HROB: variants seen among roughly 807,000 people sequenced by gnomAD.
The protein encoded by HROB is homologous recombination OB-fold protein.
Under a neutral mutation model 61.0 loss-of-function variants are expected in HROB, and 44 were observed. The observed-to-expected ratio is 0.72, with a 90% confidence interval of 0.57 to 0.93. HROB has a LOEUF of 0.93. Ranked by LOEUF, HROB falls within the 40% of genes least tolerant of loss-of-function variation. The pLI, the probability that HROB is intolerant of heterozygous loss-of-function variation, is 0.00. For synonymous variants in HROB, 301 were observed against 310.4 expected (o/e 0.97, Z 0.32); for missense variants, 716 against 796.2 (o/e 0.90, Z 1.21).
intron 4 of HROB, 36 bp from the exon 5 acceptor site, chr17:44,152,601 A>G (rs777865277): frequency 3.2e-5 from 52 of 1,608,184 alleles, no homozygotes; most frequent in Non-Finnish European, 4.1e-5. Context: ...AGGTAGACCT[A>G]TTCATACAGG....
At chr17:44,154,384 G>A (rs1400936979) in intron 5 of HROB, 172 bp from the exon 6 acceptor site, 6 of 608,132 alleles carry the variant, frequency 9.9e-6, no homozygotes, top group Non-Finnish European at 1.8e-5. Context: ...GGACCTCCCA[G>A]CTCTAGGTCT....
intron 3 of HROB, among the ~76,000 whole-genome samples, chr17:44,149,968 G>A (rs1216854574): frequency 3.3e-5 from 5 of 152,330 alleles, no homozygotes; most frequent in African/African-American, 9.6e-5. Flanking sequence ...CGGAGCGGGC[G>A]CTGTGCTCTG....
chr17:44,161,844 G>A lies in HROB; in HGVS notation c.1880-27G>A, dbSNP rs1298455974. 1.9e-6 allele frequency: 3 copies of A among 1,609,578 alleles called. No individual in the cohort carries two copies. In the East Asian group the frequency reaches 6.7e-5, roughly 36 times the overall value. ...CATGGAATGCTGATGTTGTCACTAA[G>A]GCTACCCATCATTCCCCTCTCTGTA... On this transcript the variant is annotated intron_variant, in intron 9 of 9. Coordinates refer to ENST00000585683, the MANE Select transcript of HROB (RefSeq NM_001171251.3).
intron 2 of HROB, among the ~76,000 whole-genome samples, chr17:44,146,901 A>G (rs1208270821): frequency 2.0e-5 from 3 of 152,098 alleles, no homozygotes; most frequent in Non-Finnish European, 4.4e-5. Flanking sequence ...GAAGGTGTCA[A>G]TCTCACCTTG....
chr17:44,153,775 C>T (rs1028920607), intron 5 of HROB, among the ~76,000 whole-genome samples: 2 of 151,772 alleles, frequency 1.3e-5, no homozygotes, highest in Non-Finnish European at 2.9e-5. Context: ...ACAGGTCAGG[C>T]GGGGTGGGTC....
At chr17:44,151,800 G>T (rs1325047046) in intron 4 of HROB, among the ~76,000 whole-genome samples, 4 of 151,862 alleles carry the variant, frequency 2.6e-5, no homozygotes, top group African/African-American at 7.3e-5. Context: ...GTCAGGAGCT[G>T]ATTTTATTTT....
In HROB at chr17:44,149,397, C is replaced by T. The variant is rs1034610054; in HGVS notation, c.1224+370C>T. Among the ~76,000 whole-genome samples the T allele has an allele frequency of 6.6e-5, 10 of 152,154 alleles. No homozygotes were observed. In the East Asian group the frequency reaches 1.7e-3, roughly 26 times the overall value. Reference sequence around the variant, plus strand: ...TTGAGTAGCTGGGACTACAGGCCCCCGCCACCATGCCTGGCTAATTTTTGT... The same window carrying T: ...TTGAGTAGCTGGGACTACAGGCCCCTGCCACCATGCCTGGCTAATTTTTGT... On this transcript the variant is annotated intron_variant, in intron 3 of 9. Coordinates refer to ENST00000585683, the MANE Select transcript of HROB (RefSeq NM_001171251.3).
intron 3 of HROB, among the ~76,000 whole-genome samples, 195 bp from the exon 4 acceptor site, chr17:44,150,766 C>G (rs1433403442): frequency 1.3e-5 from 2 of 152,186 alleles, no homozygotes; most frequent in Non-Finnish European, 2.9e-5. Flanking sequence ...GGCTTCCTCA[C>G]GTTTTCAAAC....
intron 5 of HROB, among the ~76,000 whole-genome samples, chr17:44,153,045 C>T (rs1260275902): frequency 6.6e-6 from 1 of 152,156 alleles, no homozygotes; most frequent in East Asian, 1.9e-4. Context: ...CACTGCCACC[C>T]TCAAATCTCC....
Position 44,147,537 on chromosome 17 carries a change from A to C in HROB, c.55-321A>C, listed in dbSNP as rs72628313. 6.0e-3 allele frequency among the ~76,000 whole-genome samples: 891 copies of C among 149,716 alleles called. 54 individuals are homozygous for C. In the East Asian group the frequency reaches 0.15, roughly 24 times the overall value. On this transcript the variant is annotated intron_variant, in intron 2 of 9. Coordinates refer to ENST00000585683, the MANE Select transcript of HROB (RefSeq NM_001171251.3). ...CTGCCAACCTCTGCCTCTCAGGTTG[A>C]AGTGATTCTCCTGCCTCAGCCTCCC...
intron 2 of HROB, among the ~76,000 whole-genome samples, chr17:44,147,519 C>CCT (rs2053647625): frequency 6.6e-6 from 1 of 150,550 alleles, no homozygotes; most frequent in African/African-American, 2.4e-5. Context: ...TCACTGCCAA[C>CCT]CTCTGCCTCT....
In HROB at chr17:44,150,069, C is replaced by G. The variant is rs138546206; in HGVS notation, c.1225-892C>G. On this transcript the variant is annotated intron_variant, in intron 3 of 9. Transcript: ENST00000585683. Reference sequence around the variant, plus strand: ...GTGCTCTCAGATCCACAGAACAGTTCATTGTGGCAGGTGTGGGGAAGCTGG... The same window carrying G: ...GTGCTCTCAGATCCACAGAACAGTTGATTGTGGCAGGTGTGGGGAAGCTGG... 7.9e-5 allele frequency among the ~76,000 whole-genome samples: 12 copies of G among 152,248 alleles called. No individual in the cohort carries two copies. In the East Asian group the frequency reaches 2.3e-3, roughly 29 times the overall value.
In HROB at chr17:44,148,051, C is replaced by T. The variant is rs2053666064; in HGVS notation, c.248C>T (p.Ala83Val). Residue 83 changes from alanine to valine, a missense_variant, in exon 3 of 10, where the codon GCC becomes GTC. By Grantham distance (64) the Ala-to-Val change is moderately conservative. Coordinates refer to ENST00000585683, the MANE Select transcript of HROB (RefSeq NM_001171251.3). Reference protein sequence around the residue: ...GLPDLDLCLPASSTPSADSRP... With the variant: ...GLPDLDLCLPVSSTPSADSRP... The stretch of plus-strand genomic sequence containing the variant: ...CCAGACTTGGACCTCTGCCTCCCTG[C>T]CTCCAGCACGCCCAGTGCTGACAGC... 1 of 1,614,128 alleles carries T rather than the reference C, an allele frequency of 6.2e-7. No individual in the cohort carries two copies.
intron 1 of HROB, among the ~76,000 whole-genome samples, chr17:44,143,830 AAAAC>A (rs1195703620): frequency 6.6e-6 from 1 of 152,064 alleles, no homozygotes; most frequent in Non-Finnish European, 1.5e-5. Flanking sequence ...ACAAAAGACA[AAAAC>A]AAAATGTTTA....
chr17:44,146,586 C>T (rs1325220780), intron 2 of HROB, among the ~76,000 whole-genome samples: 3 of 152,138 alleles, frequency 2.0e-5, no homozygotes, highest in African/African-American at 7.2e-5. Flanking sequence ...AGTCCCTTCC[C>T]CCTTCCTAAA....
At chr17:44,155,432 C>T (rs756169699) in intron 8 of HROB, 21 bp downstream of exon 8, 23 of 1,612,594 alleles carry the variant, frequency 1.4e-5, no homozygotes, top group Admixed American at 3.3e-5. Flanking sequence ...CAGGAAGAAA[C>T]GGGAGACTGG....
rs1378910866 is a variant in HROB, at chr17:44,148,682, A to G, written c.879A>G (p.Gln293=). 6.2e-7 allele frequency: 1 copy of G among 1,614,082 alleles called. No homozygotes were observed. Among genetic ancestry groups the G allele is most frequent in the Non-Finnish European group, 8.5e-7 (1 of 1,180,018 alleles). The change falls in exon 3 of 10, where the codon CAA becomes CAG. Residue 293 remains glutamine (Q), a synonymous_variant. Coordinates refer to ENST00000585683, the MANE Select transcript of HROB (RefSeq NM_001171251.3). ...AARGTIQSSP[Q]NRFPCQPFQS... ...GAGGGACCATTCAGAGCAGCCCTCA[A>G]AATCGTTTCCCTTGTCAGCCATTCC...
intron 4 of HROB, among the ~76,000 whole-genome samples, chr17:44,151,628 T>C (rs1233673014): frequency 6.6e-6 from 1 of 152,190 alleles, no homozygotes; most frequent in Admixed American, 6.6e-5. Flanking sequence ...AGAAGGTTAA[T>C]TGTTAAAGCT....
chr17:44,144,754 T>C (rs1178206808), intron 1 of HROB, among the ~76,000 whole-genome samples: 14 of 151,310 alleles, frequency 9.3e-5, no homozygotes, highest in Non-Finnish European at 1.8e-4. Flanking sequence ...TTTTTTTTTT[T>C]TTTTTGATAC....
Sources: allele counts gnomAD v4.1 joint callset (sites outside exome capture counted in the v4.1 genomes callset), GRCh38; gene constraint gnomAD v4.1.1; transcripts MANE v1.5; gene names NCBI Gene and HGNC (gene_info 2026-07-23, HGNC 2026-07-21).